ANTXR2: variants seen among roughly 807,000 people sequenced by gnomAD.
ANTXR2 encodes the protein anthrax toxin receptor 2.
A neutral mutation model predicts 73.7 loss-of-function variants in ANTXR2; 44 were observed. The observed-to-expected ratio is 0.60, with a 90% CI of 0.47 to 0.77. The LOEUF is 0.77. Among genes scored for constraint, ANTXR2 ranks in the 30% least tolerant of loss-of-function variants. The probability of loss-of-function intolerance (pLI) is 0.00; values close to 1 mark genes in which losing one functional copy is unlikely to be tolerated. For missense variants in ANTXR2, 604 were observed against 592.5 expected, an observed-to-expected ratio of 1.02 and a Z score of -0.20; for synonymous variants, 217 against 205.9, an observed-to-expected ratio of 1.05 and a Z score of -0.46.
chr4:79,978,055 G>C lies in ANTXR2; in HGVS notation c.1299C>G (p.Pro433=). 1 of 1,612,266 alleles carries C rather than the reference G, an allele frequency of 6.2e-7. No homozygotes were observed. Among genetic ancestry groups the C allele is most frequent in the Non-Finnish European group, 8.5e-7 (1 of 1,179,340 alleles). Residue 433 remains proline, a synonymous_variant, in exon 15 of 17, where the codon CCC becomes CCG. Transcript: ENST00000403729. ...TCTGAGGAGGCTGGTGTGTGGGTTT[G>C]GGTCGAGGTGGTCTAGGCCTGATGG... is the stretch of plus-strand genomic sequence containing the variant. ...EEPIRPRPPR[P]KPTHQPPQTK...
intron 9 of ANTXR2, among the ~76,000 whole-genome samples, chr4:80,033,135 TAC>T (rs1560413902): frequency 6.6e-6 from 1 of 151,796 alleles, no homozygotes; most frequent in African/African-American, 2.4e-5. Flanking sequence ...AGGTACAGAG[TAC>T]AGTCAGGAAA....
intron 7 of ANTXR2, among the ~76,000 whole-genome samples, chr4:80,049,697 A>T (rs1054840177): frequency 6.6e-6 from 1 of 151,672 alleles, no homozygotes; most frequent in Non-Finnish European, 1.5e-5. Flanking sequence ...CTCTATTCTT[A>T]GTCATTCATC....
At chr4:80,041,351 T>C (rs1410818692) in intron 7 of ANTXR2, among the ~76,000 whole-genome samples, 1 of 152,124 alleles carries the variant, frequency 6.6e-6, no homozygotes, top group Non-Finnish European at 1.5e-5. Context: ...ACTCCTGTAA[T>C]GCTACCAAAA....
intron 12 of ANTXR2, among the ~76,000 whole-genome samples, chr4:79,997,361 A>G (rs951967487): frequency 2.0e-5 from 3 of 152,008 alleles, no homozygotes; most frequent in South Asian, 2.1e-4. Flanking sequence ...CGGCAATGTC[A>G]TCTAGGTGCC....
At chr4:79,980,808 G>C (rs981325509) in intron 14 of ANTXR2, among the ~76,000 whole-genome samples, 9 of 151,418 alleles carry the variant, frequency 5.9e-5, no homozygotes, top group African/African-American at 1.7e-4. Flanking sequence ...AAAAATTCTA[G>C]GTAAAAATCC....
At chr4:79,988,227 TTTTATATATA>T (rs1373892161) in intron 12 of ANTXR2, among the ~76,000 whole-genome samples, 1 of 90,482 alleles carries the variant, frequency 1.1e-5, no homozygotes, top group Non-Finnish European at 2.1e-5. Flanking sequence ...CTCACATAAA[TTTTATATATA>T]TATATATATA....
Position 80,069,507 on chromosome 4 carries a change from G to A in ANTXR2, c.225C>T (p.Ser75=), listed in dbSNP as rs1385095675. ...CAATGAAAGATAATCTCATTTCAGGGCTGCAAAATAAGAAAAGAGGCAGTT... is the reference window on the plus strand; with the variant it reads ...CAATGAAAGATAATCTCATTTCAGGACTGCAAAATAAGAAAAGAGGCAGTT... The part of the protein sequence containing the change: ...FVQQLAERFV[S]PEMRLSFIVF... Residue 75 remains serine, a splice_region_variant and synonymous_variant, in exon 3 of 17, where the codon AGC becomes AGT. Transcript: ENST00000403729. 1.3e-6 allele frequency: 2 copies of A among 1,594,642 alleles called. No individual in the cohort carries two copies. The highest frequency in any genetic ancestry group is 3.4e-5 in the Admixed American group (2 of 58,178).
chr4:79,977,656 G>C lies in ANTXR2; in HGVS notation c.1393C>G (p.Arg465Gly). The change falls in exon 16 of 17, where the codon CGG (arginine) becomes GGG (glycine). Residue 465 changes from arginine to glycine, a missense_variant. Arg to Gly is a moderately radical substitution (Grantham distance 125). Transcript: ENST00000403729. ...LWALLRRQYD[R>G]VSLMRPQEGD... ...TCCTGAGGTCGCATCAAAGAAACCCGGTCATACTGCCGCCTCAACAAAGCC... is the reference window on the plus strand; with the variant it reads ...TCCTGAGGTCGCATCAAAGAAACCCCGTCATACTGCCGCCTCAACAAAGCC... The C allele has an allele frequency of 6.3e-7, 1 of 1,581,786 alleles. No homozygotes were observed. Among genetic ancestry groups the C allele is most frequent in the South Asian group, 1.2e-5 (1 of 86,126 alleles).
At chr4:79,923,502 G>A (rs941071870) in intron 16 of ANTXR2, among the ~76,000 whole-genome samples, 5 of 152,048 alleles carry the variant, frequency 3.3e-5, no homozygotes, top group South Asian at 4.1e-4. Flanking sequence ...AGTAGGCATC[G>A]GAGAGGAGCT....
intron 7 of ANTXR2, among the ~76,000 whole-genome samples, chr4:80,053,231 T>A (rs59179985): frequency 9.9e-5 from 15 of 151,498 alleles, no homozygotes; most frequent in Non-Finnish European, 1.9e-4. Flanking sequence ...ATTTTTACAC[T>A]GCAACTATTC....
chr4:79,964,965 A>G (rs1056024748), intron 16 of ANTXR2: 2 of 152,354 alleles, frequency 1.3e-5, no homozygotes, highest in African/African-American at 4.8e-5. Context: ...AGAGCGCGAG[A>G]GAGGGCCCGA....
Position 79,985,164 on chromosome 4 carries a change from C to T in ANTXR2, c.1042-301G>A, listed in dbSNP as rs373659013. On this transcript the variant is annotated intron_variant, in intron 12 of 16. Coordinates refer to ENST00000403729, the MANE Select transcript of ANTXR2 (RefSeq NM_058172.6). ...CAGATCGAGACCATCCTGGCTAACA[C>T]GGTGAAACCCCGTCTCTACTAAAAA... Among the ~76,000 whole-genome samples the T allele has an allele frequency of 7.5e-4, 114 of 151,742 alleles. 1 individual carries two copies. Among genetic ancestry groups the T allele is most frequent in the Middle Eastern group, 3.4e-3 (1 of 294 alleles).
chr4:80,006,771 G>A (rs1157855609), intron 12 of ANTXR2, among the ~76,000 whole-genome samples: 1 of 151,872 alleles, frequency 6.6e-6, no homozygotes, highest in African/African-American at 2.4e-5. Flanking sequence ...ATTTCATTTT[G>A]CATATGTCTT....
chr4:79,926,954 CGTGTGCATATATGTGTATATAT>C (rs1440731013), intron 16 of ANTXR2, among the ~76,000 whole-genome samples: 137 of 123,742 alleles, frequency 1.1e-3, no homozygotes, highest in African/African-American at 3.2e-3. Flanking sequence ...TGTATATATA[CGTGTGCATATATGTGTATATAT>C]ACGTGTGCAT....
At chr4:79,983,853 T>G in intron 14 of ANTXR2, 25 bp downstream of exon 14, 4 of 1,542,642 alleles carry the variant, frequency 2.6e-6, no homozygotes, top group Admixed American at 1.7e-5. Flanking sequence ...GATTAGCAGC[T>G]TCTATTTTTT....
At chr4:80,032,839 G>C (rs1489781774) in intron 9 of ANTXR2, among the ~76,000 whole-genome samples, 4 of 151,876 alleles carry the variant, frequency 2.6e-5, no homozygotes, top group Non-Finnish European at 4.4e-5. Context: ...TTTTTTAAAA[G>C]TCAAAGGTAG....
At chr4:79,986,171 T>C (rs564269503) in intron 12 of ANTXR2, among the ~76,000 whole-genome samples, 9 of 152,164 alleles carry the variant, frequency 5.9e-5, no homozygotes, top group South Asian at 2.1e-4. Flanking sequence ...GGTATTGGGC[T>C]ATCTGGATAT....
chr4:80,069,021 C>T (rs1005905182), intron 3 of ANTXR2, among the ~76,000 whole-genome samples: 2 of 152,106 alleles, frequency 1.3e-5, no homozygotes, highest in Non-Finnish European at 2.9e-5. Flanking sequence ...CAGAGAAAGA[C>T]CAGAAATCCA....
At chr4:79,926,926 T>C (rs1352580336) in intron 16 of ANTXR2, among the ~76,000 whole-genome samples, 1 of 60,186 alleles carries the variant, frequency 1.7e-5, no homozygotes, top group Non-Finnish European at 3.6e-5. Context: ...TGTGTATATA[T>C]ACACATGTGC....
Sources: gnomAD v4.1 joint callset for allele counts (sites outside exome capture counted in the v4.1 genomes callset) on GRCh38, gnomAD v4.1.1 for gene constraint, MANE v1.5 for transcripts, NCBI Gene and HGNC (gene_info 2026-07-23, HGNC 2026-07-21) for gene names.